The following WDR27 variants were observed in gnomAD, a reference collection of about 807,000 sequenced individuals.
The protein encoded by WDR27 is WD repeat-containing protein 27.
In WDR27, 100 loss-of-function variants were observed where a neutral mutation model predicts 114.4. The observed-to-expected ratio is 0.87, with a 90% CI of 0.74 to 1.03. The LOEUF (loss-of-function observed/expected upper bound fraction) is 1.03, where lower values mean the gene tolerates loss of function less well. Among genes scored for constraint, WDR27 ranks in the 50% least tolerant of loss-of-function variants. The pLI is 0.00. For synonymous variants in WDR27, 449 were observed against 423.1 expected (o/e 1.06, Z -0.75); for missense variants, 1,129 against 1,092.9 (o/e 1.03, Z -0.47).
At chr6:169,621,456 ACACACATATACATATGCACATGTGCATG>A (rs1162874029) in intron 21 of WDR27, among the ~76,000 whole-genome samples, 3 of 152,140 alleles carry the variant, frequency 2.0e-5, no homozygotes, top group African/African-American at 7.2e-5. Context: ...ACACATGCAC[ACACACATATACATATGCACATGTGCATG>A]CACACATATA....
At chr6:169,596,447 A>G (rs1350649285) in intron 23 of WDR27, among the ~76,000 whole-genome samples, 1 of 151,550 alleles carries the variant, frequency 6.6e-6, no homozygotes, top group African/African-American at 2.4e-5. Flanking sequence ...ATCAGTTCTC[A>G]TTTCATATAT....
At chr6:169,473,824 A>G (rs956083179) in intron 25 of WDR27, among the ~76,000 whole-genome samples, 2 of 152,252 alleles carry the variant, frequency 1.3e-5, no homozygotes, top group Admixed American at 6.5e-5. Flanking sequence ...CCTGTAATCC[A>G]CATGGGCAGA....
chr6:169,652,493 T>C (rs4469298), intron 13 of WDR27, among the ~76,000 whole-genome samples: 68,541 of 152,104 alleles, frequency 0.45, 17,528 homozygotes, highest in East Asian at 0.94. Context: ...GTGATCCACC[T>C]GCCGCAGCCT....
chr6:169,694,721 C>T (rs1357945639), intron 1 of WDR27, among the ~76,000 whole-genome samples: 4 of 152,370 alleles, frequency 2.6e-5, no homozygotes, highest in South Asian at 2.1e-4. Context: ...AGGACGGCCC[C>T]CTGGTCTCCC....
intron 9 of WDR27, 71 bp downstream of exon 9, chr6:169,662,233 G>C (rs2128273711): frequency 6.5e-7 from 1 of 1,542,194 alleles, no homozygotes; most frequent in South Asian, 1.2e-5. Flanking sequence ...CTTAGAAAAT[G>C]AACCTAATGT....
chr6:169,525,572 T>C (rs1260689885), intron 25 of WDR27, among the ~76,000 whole-genome samples: 1 of 151,310 alleles, frequency 6.6e-6, no homozygotes, highest in African/African-American at 2.4e-5. Flanking sequence ...AAAAAGCTTT[T>C]CTCAAAAAGA....
chr6:169,512,281 C>A (rs1205277684), intron 25 of WDR27, among the ~76,000 whole-genome samples: 1 of 151,950 alleles, frequency 6.6e-6, no homozygotes, highest in Non-Finnish European at 1.5e-5. Context: ...CAAAGAAGAG[C>A]TTTTTTACTT....
At chr6:169,454,130 C>G (rs1327744750), downstream of WDR27, among the ~76,000 whole-genome samples, 1 of 152,086 alleles carries the variant, frequency 6.6e-6, no homozygotes, top group Non-Finnish European at 1.5e-5. Context: ...AAATTTTTGT[C>G]AGAAAGGAGA....
At chr6:169,429,239 T>C in the WDR27 span, among the ~76,000 whole-genome samples, 13 of 152,006 alleles carry the variant, frequency 8.6e-5, no homozygotes, top group Admixed American at 3.3e-4. Flanking sequence ...CTTTTACACT[T>C]CACAGTCACA....
At chr6:169,497,160 C>A (rs960892580) in intron 25 of WDR27, among the ~76,000 whole-genome samples, 5 of 152,028 alleles carry the variant, frequency 3.3e-5, no homozygotes, top group Admixed American at 3.3e-4. Flanking sequence ...GGTGCCAAGA[C>A]CATTAAATGG....
intron 23 of WDR27, among the ~76,000 whole-genome samples, chr6:169,583,752 C>T (rs538892895): frequency 1.3e-5 from 2 of 151,350 alleles, no homozygotes; most frequent in Non-Finnish European, 2.9e-5. Flanking sequence ...TCCTTTTTCC[C>T]GCAAAAACCT....
intron 25 of WDR27, among the ~76,000 whole-genome samples, chr6:169,539,524 C>A (rs1327835116): frequency 6.6e-6 from 1 of 151,284 alleles, no homozygotes; most frequent in Non-Finnish European, 1.5e-5. Context: ...TTAAAAAAAA[C>A]AAAACAAAAC....
In WDR27 at chr6:169,688,996, G is replaced by C. The variant is rs76614139; in HGVS notation, c.10C>G (p.Pro4Ala). The C allele has an allele frequency of 1.5e-3, 2,386 of 1,610,770 alleles. 2 individuals are homozygous for C. The highest frequency in any genetic ancestry group is 1.5e-3 in the Non-Finnish European group (1,727 of 1,178,598). The stretch of plus-strand genomic sequence containing the variant: ...CCATTACTTGAGAAAATGTCTTGGG[G>C]ATTTTCCATCTTCAATCTGAAAACA... MEN[P>A]QDIFSSNGGC... The change falls in exon 2 of 26, where the codon CCC becomes GCC. Residue 4 changes from proline (P) to alanine (A), a missense_variant. Pro to Ala is a conservative substitution (Grantham distance 27). Transcript: ENST00000448612.
intron 25 of WDR27, among the ~76,000 whole-genome samples, chr6:169,531,027 G>A (rs1324302507): frequency 5.9e-5 from 9 of 152,162 alleles, no homozygotes; most frequent in African/African-American, 1.7e-4. Context: ...AGCACTGCCT[G>A]ACATGTTGTC....
At chr6:169,451,600 T>C in the WDR27 span, among the ~76,000 whole-genome samples, 7 of 152,242 alleles carry the variant, frequency 4.6e-5, no homozygotes, top group Non-Finnish European at 1.0e-4. Flanking sequence ...TTTCAGAAAC[T>C]CCCGAACATA....
intron 25 of WDR27, among the ~76,000 whole-genome samples, chr6:169,502,293 A>G (rs1791385940): frequency 6.6e-6 from 1 of 152,068 alleles, no homozygotes; most frequent in African/African-American, 2.4e-5. Flanking sequence ...CGTGCTGGGG[A>G]TGTGCGTCCC....
In WDR27 at chr6:169,613,542, G is replaced by A; in HGVS notation, c.2321+17C>T. On this transcript the variant is annotated intron_variant, in intron 22 of 25. Coordinates refer to ENST00000448612, the MANE Select transcript of WDR27 (RefSeq NM_182552.5). ...GAGCTCCCCACCCCTGCAGTGCAGG[G>A]CGCAGGACAGCCTTACCTCAGGGTT... 2 of 1,606,508 alleles carry A rather than the reference G, an allele frequency of 1.2e-6. No homozygotes were observed. Among genetic ancestry groups the A allele is most frequent in the Non-Finnish European group, 1.7e-6 (2 of 1,173,246 alleles).
At chr6:169,525,591 G>A (rs1794881161) in intron 25 of WDR27, among the ~76,000 whole-genome samples, 1 of 151,192 alleles carries the variant, frequency 6.6e-6, no homozygotes, top group South Asian at 2.1e-4. Context: ...GACAGGGAAT[G>A]ACATATGCGG....
chr6:169,508,769 GTATTA>G (rs889302832), intron 25 of WDR27, among the ~76,000 whole-genome samples: 1 of 152,168 alleles, frequency 6.6e-6, no homozygotes, highest in African/African-American at 2.4e-5. Flanking sequence ...TTATAATTAT[GTATTA>G]TATTATCAGT....
Sources: allele counts gnomAD v4.1 joint callset (sites outside exome capture counted in the v4.1 genomes callset), GRCh38; gene constraint gnomAD v4.1.1; transcripts MANE v1.5; gene names NCBI Gene and HGNC (gene_info 2026-07-23, HGNC 2026-07-21).